RTL4: variants seen among roughly 807,000 people sequenced by gnomAD.
RTL4 encodes the protein retrotransposon Gag-like protein 4.
Under a neutral mutation model 5.3 loss-of-function variants are expected in RTL4, and 4 were observed. That is an observed-to-expected ratio of 0.75 (90% CI 0.37 to 1.72). RTL4 has a LOEUF of 1.72. Ranked by LOEUF, RTL4 falls within the 40% of genes most tolerant of loss-of-function variation. The pLI, the probability that RTL4 is intolerant of heterozygous loss-of-function variation, is 0.04. For synonymous variants in RTL4, 98 were observed against 87.3 expected, an observed-to-expected ratio of 1.12 and a Z score of -0.68; for missense variants, 260 against 227.1, an observed-to-expected ratio of 1.14 and a Z score of -0.93.
the RTL4 span, among the ~76,000 whole-genome samples, chrX:112,352,505 A>G: frequency 9.0e-6 from 1 of 111,070 alleles, no homozygotes; most frequent in South Asian, 3.8e-4. Context: ...GGAACATAAC[A>G]GAGCCCTCAG....
At chrX:112,436,790 A>G in the RTL4 span, among the ~76,000 whole-genome samples, 1 of 110,748 alleles carries the variant, frequency 9.0e-6, no homozygotes, top group Admixed American at 9.7e-5. Context: ...CTGACTCTTC[A>G]GTCTGCTAAA....
At chrX:112,130,706 C>G in the RTL4 span, among the ~76,000 whole-genome samples, 5 of 108,884 alleles carry the variant, frequency 4.6e-5, no homozygotes, top group African/African-American at 3.4e-5. Context: ...CGTTTTTACT[C>G]AATATATTCT....
At chrX:112,204,260 G>T in the RTL4 span, among the ~76,000 whole-genome samples, 114 of 112,004 alleles carry the variant, frequency 1.0e-3, no homozygotes, top group African/African-American at 3.6e-3. Flanking sequence ...CGGTTTGAAG[G>T]TTTCTCAATA....
chrX:112,147,541 G>A, the RTL4 span, among the ~76,000 whole-genome samples: 1 of 111,905 alleles, frequency 8.9e-6, no homozygotes, highest in East Asian at 2.8e-4. Flanking sequence ...TGGTCACAAT[G>A]TAAGCTCCTC....
At chrX:112,262,743 G>A in the RTL4 span, among the ~76,000 whole-genome samples, 26,028 of 110,151 alleles carry the variant, frequency 0.24, 2,773 homozygotes, top group African/African-American at 0.42. Context: ...ACACATGCAC[G>A]TGTATGTTTA....
the RTL4 span, among the ~76,000 whole-genome samples, chrX:112,194,358 A>T: frequency 9.0e-6 from 1 of 110,793 alleles, no homozygotes; most frequent in African/African-American, 3.3e-5. Context: ...GTTGGGCTCA[A>T]GATGGGAAGA....
the RTL4 span, among the ~76,000 whole-genome samples, chrX:112,369,279 G>C: frequency 4.5e-5 from 5 of 112,164 alleles, no homozygotes; most frequent in East Asian, 1.4e-3. Flanking sequence ...TGGCATTAGG[G>C]TATAGCTTAA....
chrX:112,330,139 A>G, the RTL4 span, among the ~76,000 whole-genome samples: 3 of 98,553 alleles, frequency 3.0e-5, no homozygotes, highest in African/African-American at 1.1e-4. Context: ...TATTCAACAT[A>G]GTGTTGGAAG....
the RTL4 span, among the ~76,000 whole-genome samples, chrX:112,182,320 G>T: frequency 1.8e-5 from 2 of 111,728 alleles, no homozygotes; most frequent in South Asian, 7.5e-4. Flanking sequence ...GAACAAAACT[G>T]GACAGAGAAT....
At chrX:112,351,386 C>T in the RTL4 span, among the ~76,000 whole-genome samples, 4 of 109,541 alleles carry the variant, frequency 3.7e-5, no homozygotes, top group African/African-American at 1.0e-4. Context: ...TTTAGGTCCA[C>T]GTGGTGCAGA....
chrX:112,101,904 A>G, the RTL4 span, among the ~76,000 whole-genome samples: 1 of 110,896 alleles, frequency 9.0e-6, no homozygotes, highest in African/African-American at 3.3e-5. Flanking sequence ...ACACACACCA[A>G]GAACTGCCTG....
chrX:112,214,819 C>G, the RTL4 span, among the ~76,000 whole-genome samples: 1 of 110,189 alleles, frequency 9.1e-6, no homozygotes, highest in African/African-American at 3.3e-5. Flanking sequence ...GACGGAGTCT[C>G]TCTCTGTTGC....
the RTL4 span, among the ~76,000 whole-genome samples, chrX:112,116,621 A>T: frequency 9.0e-6 from 1 of 111,638 alleles, no homozygotes; most frequent in Non-Finnish European, 1.9e-5. Context: ...AGATTGGCAC[A>T]TTTTACAGAC....
At chrX:112,443,903 C>T in the RTL4 span, among the ~76,000 whole-genome samples, 26,187 of 110,273 alleles carry the variant, frequency 0.24, 2,429 homozygotes, top group Middle Eastern at 0.28. Context: ...CTCTCCAGTT[C>T]GTTGATTGTA....
chrX:112,450,861 G>A (rs1178231008), upstream of RTL4, among the ~76,000 whole-genome samples: 4 of 112,001 alleles, frequency 3.6e-5, no homozygotes, highest in Non-Finnish European at 3.8e-5. Context: ...GTAAAGGTCC[G>A]TGTAATCTCT....
the RTL4 span, among the ~76,000 whole-genome samples, chrX:112,231,793 A>G: frequency 9.0e-6 from 1 of 111,368 alleles, no homozygotes; most frequent in Admixed American, 9.6e-5. Context: ...TAAGGTAAGT[A>G]ATTACCTTGT....
At chrX:112,256,460 A>T in the RTL4 span, among the ~76,000 whole-genome samples, 1 of 112,240 alleles carries the variant, frequency 8.9e-6, no homozygotes, top group Non-Finnish European at 1.9e-5. Flanking sequence ...CTCTAAGAGG[A>T]CAGAAATTTC....
At chrX:112,150,343 G>A in the RTL4 span, among the ~76,000 whole-genome samples, 3 of 111,616 alleles carry the variant, frequency 2.7e-5, no homozygotes, top group East Asian at 2.8e-4. Context: ...TAAAAAACAC[G>A]GCAGAGACCT....
At chrX:112,193,750 T>C in the RTL4 span, among the ~76,000 whole-genome samples, 1 of 111,457 alleles carries the variant, frequency 9.0e-6, no homozygotes, top group Non-Finnish European at 1.9e-5. Flanking sequence ...ATTGCCTTTC[T>C]GTTCCTCGGA....
Sources: gnomAD v4.1 joint callset for allele counts (sites outside exome capture counted in the v4.1 genomes callset) on GRCh38, gnomAD v4.1.1 for gene constraint, MANE v1.5 for transcripts, NCBI Gene and HGNC (gene_info 2026-07-23, HGNC 2026-07-21) for gene names.